SESN1: variants seen among roughly 807,000 people sequenced by gnomAD.
SESN1 encodes the protein sestrin 1.
Under a neutral mutation model 59.3 loss-of-function variants are expected in SESN1, and 30 were observed. The observed-to-expected ratio is 0.51, with a 90% confidence interval of 0.38 to 0.69. The LOEUF (loss-of-function observed/expected upper bound fraction) is 0.69. Ranked by LOEUF, SESN1 falls within the 30% of genes least tolerant of loss-of-function variation. The pLI is 0.00. For synonymous variants in SESN1, 197 were observed against 219.9 expected (o/e 0.90, Z 0.92); for missense variants, 566 against 673.0 (o/e 0.84, Z 1.76).
chr6:109,046,088 A>G (rs1209268211), intron 1 of SESN1, among the ~76,000 whole-genome samples: 1 of 150,978 alleles, frequency 6.6e-6, no homozygotes, highest in East Asian at 1.9e-4. Context: ...GCAATAAGAT[A>G]ATGTAGCTCT....
Position 109,001,529 on chromosome 6 carries a change from T to A in SESN1, c.346-41A>T, listed in dbSNP as rs544934004. 10 of 1,569,914 alleles carry A rather than the reference T, an allele frequency of 6.4e-6. No homozygotes were observed. In the African/African-American group the frequency reaches 9.5e-5, roughly 15 times the overall value. On this transcript the variant is annotated intron_variant, in intron 2 of 9. Coordinates refer to ENST00000436639, the MANE Select transcript of SESN1 (RefSeq NM_014454.3). ...AAACCATGGTTACTGAAATGGTAAATTGGTGTTAAGGGAAGAAAATATACA... is the reference window on the plus strand; with the variant it reads ...AAACCATGGTTACTGAAATGGTAAAATGGTGTTAAGGGAAGAAAATATACA...
rs1268904008 is a variant in SESN1 at position 108,985,740 on chromosome 6, A to G, written c.*1804T>C. Among the ~76,000 whole-genome samples the G allele has an allele frequency of 1.3e-5, 2 of 152,192 alleles. No individual in the cohort carries two copies. The highest frequency in any genetic ancestry group is 1.9e-4 in the East Asian group (1 of 5,196). ...AGGAGGAACAAAGAGCAGAAATGGG[A>G]TAAGTAAAATTTTAACTATCTTCTT... On this transcript the variant is annotated 3_prime_UTR_variant, in exon 10 of 10. Transcript: ENST00000436639.
chr6:109,024,164 G>C (rs1287277850), intron 1 of SESN1, among the ~76,000 whole-genome samples: 1 of 152,046 alleles, frequency 6.6e-6, no homozygotes, highest in Non-Finnish European at 1.5e-5. Context: ...ACATACCATA[G>C]CATATGTACT....
At chr6:109,065,171 T>C (rs1211427918) in intron 1 of SESN1, among the ~76,000 whole-genome samples, 3 of 152,274 alleles carry the variant, frequency 2.0e-5, no homozygotes, top group African/African-American at 7.2e-5. Context: ...TCACATCTAT[T>C]ATCATAACCT....
intron 1 of SESN1, among the ~76,000 whole-genome samples, chr6:109,066,194 T>C (rs956530107): frequency 2.6e-5 from 4 of 152,196 alleles, no homozygotes; most frequent in African/African-American, 9.6e-5. Context: ...AAAACAAAAA[T>C]ACACAAATTT....
intron 1 of SESN1, among the ~76,000 whole-genome samples, chr6:109,065,798 A>T (rs959862264): frequency 1.3e-3 from 200 of 151,978 alleles, no homozygotes; most frequent in African/African-American, 4.5e-3. Context: ...AAAATATTAA[A>T]TTACTTTAAT....
At chr6:109,003,268 T>C (rs1299525844) in intron 1 of SESN1, among the ~76,000 whole-genome samples, 2 of 151,178 alleles carry the variant, frequency 1.3e-5, no homozygotes, top group African/African-American at 4.8e-5. Flanking sequence ...ATATATATTA[T>C]ATATATAATT....
At chr6:109,077,648 C>T (rs1781052669) in intron 1 of SESN1, among the ~76,000 whole-genome samples, 1 of 152,126 alleles carries the variant, frequency 6.6e-6, no homozygotes, top group Non-Finnish European at 1.5e-5. Context: ...ACCCTGGGGT[C>T]CAAGGAAAGA....
At chr6:109,071,177 C>A (rs1283309378) in intron 1 of SESN1, among the ~76,000 whole-genome samples, 1 of 152,128 alleles carries the variant, frequency 6.6e-6, no homozygotes, top group East Asian at 1.9e-4. Flanking sequence ...AAGAAAAAGT[C>A]TCAGTCTTCC....
At chr6:109,083,629 G>A (rs189368601) in intron 1 of SESN1, among the ~76,000 whole-genome samples, 1 of 152,168 alleles carries the variant, frequency 6.6e-6, no homozygotes, top group Non-Finnish European at 1.5e-5. Context: ...TGTTCAATGA[G>A]AAAGTAGATA....
chr6:109,029,854 G>A (rs1257651104), intron 1 of SESN1, among the ~76,000 whole-genome samples: 1 of 152,112 alleles, frequency 6.6e-6, no homozygotes, highest in African/African-American at 2.4e-5. Context: ...AGTGAGGAAG[G>A]AAATGTTCAA....
chr6:108,998,207 C>A (rs1308282555), intron 5 of SESN1, among the ~76,000 whole-genome samples: 1 of 152,196 alleles, frequency 6.6e-6, no homozygotes, highest in East Asian at 1.9e-4. Context: ...CTGCAGTAGC[C>A]AATCAATATT....
At position 109,001,632 on chromosome 6, in the gene SESN1, T is replaced by C. The variant is rs563764123; in HGVS notation, c.346-144A>G. 1.1e-4 allele frequency: 79 copies of C among 697,040 alleles called. No homozygotes were observed. In the East Asian group the frequency reaches 2.0e-3, roughly 18 times the overall value. The allele number at this position is 697,040 out of a possible 1,614,324, so 43.2% of individuals were successfully genotyped here. On this transcript the variant is annotated intron_variant, in intron 2 of 9. Transcript: ENST00000436639. Reference sequence around the variant, plus strand: ...GAGGGGTTACAAATTTAAACTCAACTGGTTGAAAGATACAGAAGAATAAAC... The same window carrying C: ...GAGGGGTTACAAATTTAAACTCAACCGGTTGAAAGATACAGAAGAATAAAC...
At chr6:109,062,160 G>A (rs1780744557) in intron 1 of SESN1, among the ~76,000 whole-genome samples, 1 of 152,216 alleles carries the variant, frequency 6.6e-6, no homozygotes, top group Admixed American at 6.5e-5. Context: ...AGGTAGCTGG[G>A]ACTACAGGCA....
chr6:109,030,827 C>A (rs762206187), intron 1 of SESN1, among the ~76,000 whole-genome samples: 16 of 152,152 alleles, frequency 1.1e-4, no homozygotes, highest in Non-Finnish European at 2.2e-4. Flanking sequence ...CTCATTATTC[C>A]TATATTACCC....
At position 108,992,794 on chromosome 6, in the gene SESN1, C is replaced by A. The variant is rs772956928; in HGVS notation, c.1226G>T (p.Arg409Leu). 4 of 1,608,972 alleles carry A rather than the reference C, an allele frequency of 2.5e-6. No individual in the cohort carries two copies. Among genetic ancestry groups the A allele is most frequent in the South Asian group, 1.1e-5 (1 of 90,906 alleles). The change falls in exon 7 of 10, where the codon CGT (arginine) becomes CTT (leucine). Residue 409 changes from arginine to leucine, a missense_variant. Arg to Leu is a moderately radical substitution (Grantham distance 102, BLOSUM62 -2). Coordinates refer to ENST00000436639, the MANE Select transcript of SESN1 (RefSeq NM_014454.3). The part of the protein sequence containing the change: ...SRHGMHVPTF[R>L]VQDYCWEDHG... ...TACAAGTTGCAATTTTACCTGGACA[C>A]GAAATGTTGGAACATGCATCCCATG...
At chr6:109,044,532 A>C (rs1382633843) in intron 1 of SESN1, among the ~76,000 whole-genome samples, 1 of 152,000 alleles carries the variant, frequency 6.6e-6, no homozygotes, top group Non-Finnish European at 1.5e-5. Context: ...AATATATAAG[A>C]CTAAAAAACA....
chr6:109,040,615 A>G (rs1379847075), intron 1 of SESN1, among the ~76,000 whole-genome samples: 1 of 152,042 alleles, frequency 6.6e-6, no homozygotes, highest in Non-Finnish European at 1.5e-5. Flanking sequence ...CTTCTTGAAA[A>G]CAAATGAACT....
intron 1 of SESN1, chr6:109,009,566 G>GGCGGCGCCGACAAACAAGCCGC (rs1306733562): frequency 7.2e-6 from 8 of 1,108,884 alleles, no homozygotes; most frequent in Non-Finnish European, 8.8e-6. Flanking sequence ...GGGGGGGCGG[G>GGCGGCGCCGACAAACAAGCCGC]GCGGCGCCGA....
Sources: gnomAD v4.1 joint callset for allele counts (sites outside exome capture counted in the v4.1 genomes callset) on GRCh38, gnomAD v4.1.1 for gene constraint, MANE v1.5 for transcripts, NCBI Gene and HGNC (gene_info 2026-07-23, HGNC 2026-07-21) for gene names.